USP13: variants seen among roughly 807,000 people sequenced by gnomAD.
The protein encoded by USP13 is ubiquitin specific peptidase 13.
USP13 carries 68 observed loss-of-function variants against 107.8 expected under a neutral mutation model. That is an observed-to-expected ratio of 0.63 (90% confidence interval 0.52 to 0.77). The LOEUF is 0.77. Among genes scored for constraint, USP13 ranks in the 30% least tolerant of loss-of-function variants. The pLI is 0.00. For synonymous variants in USP13, 377 were observed against 389.5 expected, an observed-to-expected ratio of 0.97 and a Z score of 0.38; for missense variants, 945 against 1,093.3, an observed-to-expected ratio of 0.86 and a Z score of 1.91.
chr3:179,719,604 G>A (rs1041964634), intron 6 of USP13, among the ~76,000 whole-genome samples: 4 of 152,102 alleles, frequency 2.6e-5, no homozygotes, highest in Non-Finnish European at 4.4e-5. Context: ...TCAGAGTTAT[G>A]CCACTGTGGT....
intron 13 of USP13, among the ~76,000 whole-genome samples, chr3:179,748,577 C>A (rs935432773): frequency 1.3e-5 from 2 of 152,144 alleles, no homozygotes; most frequent in African/African-American, 4.8e-5. Context: ...CATGAACAGA[C>A]CATGTCTGGG....
intron 2 of USP13, among the ~76,000 whole-genome samples, chr3:179,683,339 T>C (rs1711734325): frequency 6.6e-6 from 1 of 152,216 alleles, no homozygotes; most frequent in Admixed American, 6.5e-5. Flanking sequence ...TTGTGCTTTT[T>C]GTATCTTGTC....
At chr3:179,679,441 C>A (rs941792690) in intron 1 of USP13, among the ~76,000 whole-genome samples, 1 of 152,062 alleles carries the variant, frequency 6.6e-6, no homozygotes, top group African/African-American at 2.4e-5. Flanking sequence ...TTTTGACAGG[C>A]ATTCAAAAGT....
intron 13 of USP13, among the ~76,000 whole-genome samples, chr3:179,747,694 T>C (rs968085707): frequency 6.6e-6 from 1 of 152,138 alleles, no homozygotes; most frequent in African/African-American, 2.4e-5. Context: ...TGGATTCTTC[T>C]CCTGTGTCTA....
At position 179,678,959 on chromosome 3, in the gene USP13, T is replaced by G. The variant is rs1258906452; in HGVS notation, c.169-2919T>G. Among the ~76,000 whole-genome samples the G allele has an allele frequency of 6.6e-6, 1 of 152,238 alleles. No individual in the cohort carries two copies. Among genetic ancestry groups the G allele is most frequent in the Non-Finnish European group, 1.5e-5 (1 of 68,048 alleles). On this transcript the variant is annotated intron_variant, in intron 1 of 20. Transcript: ENST00000263966. The surrounding 1 kb of genome is among the most constrained non-coding windows in gnomAD (Gnocchi z 4.2). ...AATAGAGACCACTTTACTTCTTTCT[T>G]TGTGATCTTTATACCTTTTATTTAT...
intron 19 of USP13, among the ~76,000 whole-genome samples, chr3:179,766,334 C>G (rs1715175276): frequency 6.6e-6 from 1 of 152,148 alleles, no homozygotes; most frequent in Non-Finnish European, 1.5e-5. Context: ...CCCCGGTGAT[C>G]TGATAAAGTC....
intron 6 of USP13, among the ~76,000 whole-genome samples, chr3:179,714,700 C>T (rs1203392847): frequency 6.6e-6 from 1 of 152,102 alleles, no homozygotes; most frequent in African/African-American, 2.4e-5. Flanking sequence ...CCAGCCTGGG[C>T]AGCATAGTGA....
At chr3:179,660,500 C>T (rs1720426505) in intron 1 of USP13, among the ~76,000 whole-genome samples, 1 of 152,224 alleles carries the variant, frequency 6.6e-6, no homozygotes, top group African/African-American at 2.4e-5. Context: ...TATATATGTA[C>T]ATGTATTACA....
chr3:179,740,067 G>A (rs1332528436), intron 10 of USP13, among the ~76,000 whole-genome samples, 180 bp from the exon 11 acceptor site: 4 of 152,116 alleles, frequency 2.6e-5, no homozygotes, highest in African/African-American at 9.7e-5. Context: ...GGTTCATAGT[G>A]CAGGGCCTGG....
At position 179,765,725 on chromosome 3, in the gene USP13, A is replaced by C; in HGVS notation, c.2290A>C (p.Ile764Leu). 2.5e-6 allele frequency: 4 copies of C among 1,614,164 alleles called. No homozygotes were observed. Among genetic ancestry groups the C allele is most frequent in the Non-Finnish European group, 3.4e-6 (4 of 1,180,012 alleles). Residue 764 changes from isoleucine (I) to leucine (L), a missense_variant, in exon 19 of 21, where the codon ATC becomes CTC. By Grantham distance (5) the Ile-to-Leu change is conservative. Coordinates refer to ENST00000263966, the MANE Select transcript of USP13 (RefSeq NM_003940.3). ...NNNLERALDWIFSHPEFEEDS... is the reference protein window; with the variant it reads ...NNNLERALDWLFSHPEFEEDS... The stretch of plus-strand genomic sequence containing the variant: ...TAACCTGGAAAGAGCACTGGATTGG[A>C]TCTTTAGCCACCCTGAGTTTGAAGA...
chr3:179,654,274 AATAGGG>A (rs1720186195), intron 1 of USP13, among the ~76,000 whole-genome samples: 1 of 151,896 alleles, frequency 6.6e-6, no homozygotes, highest in South Asian at 2.1e-4. Context: ...GGGCAGCAGA[AATAGGG>A]GATCTACTGG....
At chr3:179,662,235 T>C (rs557110562) in intron 1 of USP13, among the ~76,000 whole-genome samples, 1 of 152,316 alleles carries the variant, frequency 6.6e-6, no homozygotes, top group South Asian at 2.1e-4. Flanking sequence ...ACCTTTGTTT[T>C]TGTCTGCTTT....
At chr3:179,693,855 T>G (rs1712194402) in intron 3 of USP13, among the ~76,000 whole-genome samples, 1 of 151,838 alleles carries the variant, frequency 6.6e-6, no homozygotes, top group African/African-American at 2.4e-5. Context: ...TGTATTTTTT[T>G]TTTTGTAGAG....
At chr3:179,709,575 T>G (rs1290046457) in intron 6 of USP13, among the ~76,000 whole-genome samples, 1 of 152,244 alleles carries the variant, frequency 6.6e-6, no homozygotes, top group Non-Finnish European at 1.5e-5. Flanking sequence ...ATGGTGTGCT[T>G]TGAAACATTA....
Position 179,675,368 on chromosome 3 carries a change from G to A in USP13, c.169-6510G>A, listed in dbSNP as rs1480605622. Among the ~76,000 whole-genome samples the A allele has an allele frequency of 5.3e-5, 8 of 151,858 alleles. No individual in the cohort carries two copies. The East Asian group carries it at 1.5e-3, about 29-fold the overall frequency. ...TTCTATACTGATGTTAATTTTCCTAGTAACTTTTATTGGTGATTCTTTTCT... is the reference window on the plus strand; with the variant it reads ...TTCTATACTGATGTTAATTTTCCTAATAACTTTTATTGGTGATTCTTTTCT... On this transcript the variant is annotated intron_variant, in intron 1 of 20. Transcript: ENST00000263966.
intron 19 of USP13, among the ~76,000 whole-genome samples, chr3:179,774,162 A>G (rs1715429066): frequency 6.6e-6 from 1 of 152,132 alleles, no homozygotes; most frequent in South Asian, 2.1e-4. Flanking sequence ...GAGAGAGAAG[A>G]GGTGTCATGT....
At chr3:179,690,386 A>C (rs1409591309) in intron 3 of USP13, 85 bp downstream of exon 3, 4 of 1,259,506 alleles carry the variant, frequency 3.2e-6, no homozygotes, top group African/African-American at 3.0e-5. Flanking sequence ...GATTTAGAGT[A>C]ATAGGTTGTT....
chr3:179,698,182 C>G (rs1466930293), intron 3 of USP13, among the ~76,000 whole-genome samples: 2 of 152,158 alleles, frequency 1.3e-5, no homozygotes, highest in Non-Finnish European at 2.9e-5. Flanking sequence ...AAGGTGATAA[C>G]TTCTGAATAC....
chr3:179,681,811 C>A, intron 1 of USP13, 67 bp from the exon 2 acceptor site: 1 of 1,533,564 alleles, frequency 6.5e-7, no homozygotes, highest in Non-Finnish European at 8.8e-7. Flanking sequence ...CCTTCCCTTT[C>A]CCTCTTTCTA....
Sources: allele counts gnomAD v4.1 joint callset (sites outside exome capture counted in the v4.1 genomes callset), GRCh38; gene constraint gnomAD v4.1.1; non-coding constraint Gnocchi (gnomAD v3.1); transcripts MANE v1.5; gene names NCBI Gene and HGNC (gene_info 2026-07-23, HGNC 2026-07-21).